LHFPL6: variants seen among roughly 807,000 people sequenced by gnomAD.
LHFPL6 encodes LHFPL tetraspan subfamily member 6 protein.
Under a neutral mutation model 20.6 loss-of-function variants are expected in LHFPL6, and 9 were observed. That is an observed-to-expected ratio of 0.44 (90% CI 0.26 to 0.76). The LOEUF is 0.76. Among genes scored for constraint, LHFPL6 ranks in the 30% least tolerant of loss-of-function variants. The pLI is 0.20. For missense variants in LHFPL6, 218 were observed against 253.5 expected (o/e 0.86, Z 0.95); for synonymous variants, 105 against 98.7 (o/e 1.06, Z -0.38).
At chr13:39,570,920 G>T (rs1871892871) in intron 2 of LHFPL6, among the ~76,000 whole-genome samples, 1 of 152,104 alleles carries the variant, frequency 6.6e-6, no homozygotes, top group South Asian at 2.1e-4. Context: ...TTTACCCATG[G>T]ATAACATTCT....
intron 2 of LHFPL6, among the ~76,000 whole-genome samples, chr13:39,592,371 G>C (rs1426500109): frequency 6.6e-6 from 1 of 152,144 alleles, no homozygotes; most frequent in Non-Finnish European, 1.5e-5. Context: ...AGAAAATCTA[G>C]AAGAAATGGA....
At chr13:39,489,633 C>A (rs1414344125) in intron 2 of LHFPL6, among the ~76,000 whole-genome samples, 1 of 151,682 alleles carries the variant, frequency 6.6e-6, no homozygotes, top group African/African-American at 2.4e-5. Flanking sequence ...CGGCTCACTG[C>A]AACTTCCACC....
chr13:39,476,847 G>T (rs1317266423), intron 2 of LHFPL6, among the ~76,000 whole-genome samples: 1 of 152,210 alleles, frequency 6.6e-6, no homozygotes, highest in Non-Finnish European at 1.5e-5. Flanking sequence ...CAGTGTCCCA[G>T]TTTAACAAAA....
intron 2 of LHFPL6, among the ~76,000 whole-genome samples, chr13:39,588,915 A>C (rs1033731104): frequency 5.3e-5 from 8 of 152,188 alleles, no homozygotes; most frequent in African/African-American, 1.9e-4. Context: ...CATAAAATGA[A>C]ACTTTCTTTT....
intron 2 of LHFPL6, among the ~76,000 whole-genome samples, chr13:39,489,586 GCT>G (rs1207560910): frequency 6.6e-6 from 1 of 150,900 alleles, no homozygotes; most frequent in Non-Finnish European, 1.5e-5. Context: ...ATAGGGTCTC[GCT>G]CTGTTACCCA....
chr13:39,520,237 AAC>A (rs1303570109), intron 2 of LHFPL6, among the ~76,000 whole-genome samples: 1 of 152,188 alleles, frequency 6.6e-6, no homozygotes, highest in African/African-American at 2.4e-5. Flanking sequence ...CACTGGAACA[AAC>A]ACTGGGAAAA....
chr13:39,368,286 G>GA (rs57555048), intron 3 of LHFPL6, among the ~76,000 whole-genome samples: 40,083 of 148,462 alleles, frequency 0.27, 5,469 homozygotes, highest in Middle Eastern at 0.37. Context: ...GGCGGTGGAG[G>GA]AAAAAAAAAA....
chr13:39,425,752 T>C (rs1871619555), intron 2 of LHFPL6, among the ~76,000 whole-genome samples: 1 of 152,236 alleles, frequency 6.6e-6, no homozygotes, highest in African/African-American at 2.4e-5. Flanking sequence ...GTTCTTTATA[T>C]ATTCTGACGC....
At position 39,343,403 on chromosome 13, in the gene LHFPL6, T is replaced by C. The variant is rs1869299473; in HGVS notation, c.*533A>G. Reference sequence around the variant, plus strand: ...TCCCAGTCTGTGCGATAATCCACGTTTGTGCATAGGCGTGTGTGGGGATGC... The same window carrying C: ...TCCCAGTCTGTGCGATAATCCACGTCTGTGCATAGGCGTGTGTGGGGATGC... On this transcript the variant is annotated 3_prime_UTR_variant, in exon 4 of 4. Coordinates refer to ENST00000379589, the MANE Select transcript of LHFPL6 (RefSeq NM_005780.3). The C allele has an allele frequency of 4.3e-6, 1 of 231,998 alleles. No homozygotes were observed. Among genetic ancestry groups the C allele is most frequent in the Non-Finnish European group, 8.5e-6 (1 of 117,066 alleles). 14.4% of individuals were successfully genotyped at this position (231,998 alleles called of 1,614,324 possible). A position where few individuals can be genotyped will look rare whatever the true frequency, so the allele number is the denominator to read the frequency against.
chr13:39,522,902 A>G (rs537170601), intron 2 of LHFPL6, among the ~76,000 whole-genome samples: 2 of 152,380 alleles, frequency 1.3e-5, no homozygotes, highest in South Asian at 4.1e-4. Flanking sequence ...ACATGATTAG[A>G]TGGATTCATA....
At chr13:39,573,596 A>G (rs1367820934) in intron 2 of LHFPL6, among the ~76,000 whole-genome samples, 2 of 152,214 alleles carry the variant, frequency 1.3e-5, no homozygotes, top group Non-Finnish European at 2.9e-5. Flanking sequence ...TTTACATGGT[A>G]TAACTTTTTA....
chr13:39,531,059 T>G (rs1168731574), intron 2 of LHFPL6, among the ~76,000 whole-genome samples: 1 of 152,142 alleles, frequency 6.6e-6, no homozygotes, highest in Non-Finnish European at 1.5e-5. Context: ...CTTAACTGGC[T>G]CTACTTTTCA....
intron 2 of LHFPL6, among the ~76,000 whole-genome samples, chr13:39,546,741 G>A (rs1198520512): frequency 1.3e-5 from 2 of 151,828 alleles, no homozygotes; most frequent in African/African-American, 4.8e-5. Context: ...ATTTTATTTT[G>A]TCCTCTTTGC....
intron 2 of LHFPL6, among the ~76,000 whole-genome samples, chr13:39,574,361 A>G (rs1872040092): frequency 6.6e-6 from 1 of 152,022 alleles, no homozygotes; most frequent in Admixed American, 6.6e-5. Flanking sequence ...GGGCACCTGT[A>G]GTCCCAGCTA....
intron 2 of LHFPL6, among the ~76,000 whole-genome samples, chr13:39,389,387 T>A (rs1490108922): frequency 1.3e-5 from 2 of 152,166 alleles, no homozygotes; most frequent in Non-Finnish European, 2.9e-5. Flanking sequence ...TATTTTTTAA[T>A]CATTACCTAA....
intron 2 of LHFPL6, among the ~76,000 whole-genome samples, chr13:39,562,559 T>TATATACATATATAC (rs1566142140): frequency 8.8e-4 from 72 of 82,110 alleles, no homozygotes; most frequent in Non-Finnish European, 2.0e-3. Context: ...TATATACACA[T>TATATACATATATAC]ACATATACAC....
intron 2 of LHFPL6, among the ~76,000 whole-genome samples, chr13:39,497,299 G>A (rs1342059433): frequency 2.6e-5 from 4 of 152,146 alleles, no homozygotes; most frequent in African/African-American, 9.7e-5. Context: ...ATACCATGAG[G>A]GAAAGGTCAA....
intron 2 of LHFPL6, among the ~76,000 whole-genome samples, chr13:39,401,201 T>A (rs183955134): frequency 1.3e-5 from 2 of 152,214 alleles, no homozygotes; most frequent in African/African-American, 2.4e-5. Flanking sequence ...GATTTTACAA[T>A]GTCTTTTTTA....
intron 3 of LHFPL6, among the ~76,000 whole-genome samples, chr13:39,364,171 T>C (rs546472646): frequency 6.6e-6 from 1 of 152,238 alleles, no homozygotes; most frequent in South Asian, 2.1e-4. Flanking sequence ...GGGGCAGGGT[T>C]ATGTGGCAGG....
Sources: allele counts gnomAD v4.1 joint callset (sites outside exome capture counted in the v4.1 genomes callset), GRCh38; gene constraint gnomAD v4.1.1; transcripts MANE v1.5; gene names NCBI Gene and HGNC (gene_info 2026-07-23, HGNC 2026-07-21).